The following ETS1 variants were observed in gnomAD, a reference collection of about 807,000 sequenced individuals.
ETS1 encodes the protein ETS proto-oncogene 1, transcription factor, also known as protein C-ets-1.
Under a neutral mutation model 58.6 loss-of-function variants are expected in ETS1, and 15 were observed. The ratio of observed to expected loss-of-function variants is 0.26; its 90% CI spans 0.17 to 0.39. ETS1 has a LOEUF of 0.39. ETS1 is among the 10% of genes least tolerant of loss of function. The pLI, the probability that ETS1 is intolerant of heterozygous loss-of-function variation, is 1.00. For synonymous variants in ETS1, 214 were observed against 218.2 expected, an observed-to-expected ratio of 0.98 and a Z score of 0.17; for missense variants, 417 against 610.5, an observed-to-expected ratio of 0.68 and a Z score of 3.34.
chr11:128,580,616 A>G (rs891142506), intron 1 of ETS1, among the ~76,000 whole-genome samples: 3 of 152,226 alleles, frequency 2.0e-5, no homozygotes, highest in African/African-American at 4.8e-5. Flanking sequence ...AAGTAATCCA[A>G]CATTACAGTA....
At chr11:128,529,494 G>T (rs1297182897) in intron 3 of ETS1, among the ~76,000 whole-genome samples, 3 of 152,158 alleles carry the variant, frequency 2.0e-5, no homozygotes, top group African/African-American at 4.8e-5. Flanking sequence ...GCACTTTGTT[G>T]TTTGTATCTA....
chr11:128,532,009 T>C (rs1863905463), intron 3 of ETS1, among the ~76,000 whole-genome samples: 1 of 152,220 alleles, frequency 6.6e-6, no homozygotes. Flanking sequence ...CCAACAGTTC[T>C]TGTTGTTTTT....
intron 3 of ETS1, among the ~76,000 whole-genome samples, chr11:128,535,986 A>T (rs984704149): frequency 2.0e-5 from 3 of 152,200 alleles, no homozygotes; most frequent in African/African-American, 4.8e-5. Flanking sequence ...GTTAAAGTGG[A>T]ATGCTCACTT....
At chr11:128,497,845 G>C (rs568003447) in intron 3 of ETS1, among the ~76,000 whole-genome samples, 46 of 152,240 alleles carry the variant, frequency 3.0e-4, no homozygotes, top group African/African-American at 1.1e-3. Flanking sequence ...AGGTGTTCAG[G>C]GAAACCCAGA....
Position 128,583,264 on chromosome 11 carries a change from C to A in ETS1, c.-15+4224G>T, listed in dbSNP as rs541632057. ...AACAGGCAAGACTTCTGTGCCAAGG[C>A]TGAGCAGATGCTGGTAACCTCAGGT... On this transcript the variant is annotated intron_variant, in intron 1 of 9. Coordinates refer to ENST00000392668, the MANE Select transcript of ETS1 (RefSeq NM_001143820.2). Among the ~76,000 whole-genome samples the A allele has an allele frequency of 1.4e-4, 21 of 152,332 alleles. No homozygotes were observed. The South Asian group carries it at 2.7e-3, about 20-fold the overall frequency.
intron 1 of ETS1, among the ~76,000 whole-genome samples, chr11:128,585,941 G>T (rs1332342616): frequency 2.0e-5 from 3 of 152,114 alleles, no homozygotes; most frequent in Admixed American, 6.6e-5. Flanking sequence ...GGCCCAAGTC[G>T]GTGCTCTGGC....
intron 1 of ETS1, among the ~76,000 whole-genome samples, chr11:128,584,977 A>AGAAAGAAAGAAAGAAAGAAAGGAAG (rs1555092866): frequency 1.1e-4 from 2 of 18,382 alleles, no homozygotes; most frequent in Non-Finnish European, 2.0e-4. Flanking sequence ...AAAGAAAGAA[A>AGAAAGAAAGAAAGAAAGAAAGGAAG]GAAAGAAAGA....
At chr11:128,482,987 T>C (rs1432917200) in intron 7 of ETS1, among the ~76,000 whole-genome samples, 2 of 152,230 alleles carry the variant, frequency 1.3e-5, no homozygotes, top group Non-Finnish European at 2.9e-5. Context: ...TACTGTACTA[T>C]GGTTAGTATA....
chr11:128,561,530 C>T (rs896263257), intron 2 of ETS1, among the ~76,000 whole-genome samples: 1 of 152,200 alleles, frequency 6.6e-6, no homozygotes, highest in Non-Finnish European at 1.5e-5. Flanking sequence ...ATGTGGATGC[C>T]TCACTCACCT....
chr11:128,520,659 G>A (rs535774282), intron 3 of ETS1, among the ~76,000 whole-genome samples: 14 of 152,302 alleles, frequency 9.2e-5, no homozygotes, highest in Admixed American at 2.6e-4. Flanking sequence ...TCATCCTTGC[G>A]AGGAGACAAA....
At chr11:128,501,935 T>C (rs1240095260) in intron 3 of ETS1, among the ~76,000 whole-genome samples, 4 of 152,100 alleles carry the variant, frequency 2.6e-5, no homozygotes, top group South Asian at 4.2e-4. Flanking sequence ...TGGCTGATAG[T>C]ACAAATGGTT....
intron 8 of ETS1, among the ~76,000 whole-genome samples, chr11:128,469,717 G>A (rs1222454878): frequency 6.6e-6 from 1 of 152,176 alleles, no homozygotes; most frequent in East Asian, 1.9e-4. Flanking sequence ...CTGTATTGCT[G>A]GACTGACTGG....
At chr11:128,550,863 G>A (rs1864218298) in intron 3 of ETS1, among the ~76,000 whole-genome samples, 1 of 152,214 alleles carries the variant, frequency 6.6e-6, no homozygotes, top group African/African-American at 2.4e-5. Flanking sequence ...TCCTCACTGA[G>A]CTAGAAAATT....
At chr11:128,568,251 G>A (rs906760834) in intron 2 of ETS1, among the ~76,000 whole-genome samples, 9 of 152,138 alleles carry the variant, frequency 5.9e-5, no homozygotes, top group Admixed American at 2.0e-4. Flanking sequence ...CCTCCTTGCC[G>A]GTGAGACATC....
chr11:128,548,774 G>A (rs759874003), intron 3 of ETS1, among the ~76,000 whole-genome samples: 6 of 152,186 alleles, frequency 3.9e-5, no homozygotes, highest in African/African-American at 7.2e-5. Flanking sequence ...GGCCGGCTTC[G>A]CCTGCGCCCG....
chr11:128,473,532 C>T (rs1043034953), intron 8 of ETS1, among the ~76,000 whole-genome samples: 3 of 152,242 alleles, frequency 2.0e-5, no homozygotes, highest in African/African-American at 7.2e-5. Flanking sequence ...CTGGCAGGGC[C>T]TGACTCCATG....
In ETS1 at chr11:128,578,072, T is replaced by G. The variant is rs556914884; in HGVS notation, c.-14-4928A>C. On this transcript the variant is annotated intron_variant, in intron 1 of 9. Coordinates refer to ENST00000392668, the MANE Select transcript of ETS1 (RefSeq NM_001143820.2). ...CATGTCCAAAAAATCACTTTAAAACTATGGTTCTGCTTGATTCTAGAGAGT... is the reference window on the plus strand; with the variant it reads ...CATGTCCAAAAAATCACTTTAAAACGATGGTTCTGCTTGATTCTAGAGAGT... Among the ~76,000 whole-genome samples, 24 of 152,230 alleles carry G rather than the reference T, an allele frequency of 1.6e-4. No homozygotes were observed. In the South Asian group the frequency reaches 5.0e-3, roughly 32 times the overall value.
intron 3 of ETS1, among the ~76,000 whole-genome samples, chr11:128,532,896 C>G (rs1331968559): frequency 6.6e-6 from 1 of 152,174 alleles, no homozygotes; most frequent in East Asian, 1.9e-4. Context: ...TCTATTAAAA[C>G]CACCACGTGC....
chr11:128,480,823 G>A (rs564391417), intron 7 of ETS1, among the ~76,000 whole-genome samples: 2 of 152,198 alleles, frequency 1.3e-5, no homozygotes, highest in East Asian at 1.9e-4. Flanking sequence ...GGCTGATGTC[G>A]TAGGCCCAAT....
Sources: gnomAD v4.1 joint callset for allele counts (sites outside exome capture counted in the v4.1 genomes callset) on GRCh38, gnomAD v4.1.1 for gene constraint, MANE v1.5 for transcripts, NCBI Gene and HGNC (gene_info 2026-07-23, HGNC 2026-07-21) for gene names.